TRIM2: variants seen among roughly 807,000 people sequenced by gnomAD.
The protein encoded by TRIM2 is tripartite motif containing 2, also known as tripartite motif-containing protein 2.
Under a neutral mutation model 75.2 loss-of-function variants are expected in TRIM2, and 20 were observed. The observed-to-expected ratio is 0.27, with a 90% CI of 0.19 to 0.39. The LOEUF (loss-of-function observed/expected upper bound fraction) is 0.39, where lower values mean the gene tolerates loss of function less well. Among genes scored for constraint, TRIM2 ranks in the 10% least tolerant of loss-of-function variants. The pLI is 1.00. For missense variants in TRIM2, 660 were observed against 990.8 expected (o/e 0.67, Z 4.48); for synonymous variants, 373 against 388.3 (o/e 0.96, Z 0.46).
At chr4:153,219,198 T>G (rs1275781560) in intron 1 of TRIM2, among the ~76,000 whole-genome samples, 1 of 152,090 alleles carries the variant, frequency 6.6e-6, no homozygotes, top group Non-Finnish European at 1.5e-5. Context: ...TTCAAAGAGG[T>G]GCATTTCAGT....
intron 6 of TRIM2, 51 bp downstream of exon 6, chr4:153,296,087 G>A: frequency 8.7e-6 from 13 of 1,501,954 alleles, no homozygotes; most frequent in Non-Finnish European, 1.1e-5. Flanking sequence ...TGGTTAAGGG[G>A]TAACTGGGCA....
At chr4:153,238,881 GCTCT>G (rs1745712838) in intron 1 of TRIM2, among the ~76,000 whole-genome samples, 1 of 152,134 alleles carries the variant, frequency 6.6e-6, no homozygotes, top group African/African-American at 2.4e-5. Context: ...AAACCTAAGG[GCTCT>G]CTATTATGGA....
upstream of TRIM2, among the ~76,000 whole-genome samples, chr4:153,202,698 C>CA (rs748719135): frequency 0.28 from 21,537 of 77,544 alleles, 2,632 homozygotes; most frequent in African/African-American, 0.41. Context: ...GACTCTGTCT[C>CA]AAAAAAAAAA....
intron 11 of TRIM2, among the ~76,000 whole-genome samples, chr4:153,333,564 T>C (rs566134834): frequency 1.1e-4 from 17 of 152,310 alleles, no homozygotes; most frequent in African/African-American, 3.9e-4. Context: ...CCTATGAATC[T>C]ATAATTATTT....
upstream of TRIM2, among the ~76,000 whole-genome samples, chr4:153,199,899 G>A (rs1734148895): frequency 6.6e-6 from 1 of 151,240 alleles, no homozygotes; most frequent in Admixed American, 6.6e-5. Flanking sequence ...TCAGCCTCTG[G>A]AGTAGCTGGG....
intron 6 of TRIM2, among the ~76,000 whole-genome samples, chr4:153,302,429 G>A (rs189175650): frequency 6.6e-6 from 1 of 152,204 alleles, no homozygotes; most frequent in African/African-American, 2.4e-5. Flanking sequence ...AGTTTGGGAT[G>A]ATAGATGTAT....
In TRIM2 at chr4:153,244,421, T is replaced by TTCTTCTTCTTCTTCC. The variant is rs1560875627; in HGVS notation, c.31-25900_31-25899insCTCTTCTTCTTCTTC. On this transcript the variant is annotated intron_variant, in intron 1 of 11. Transcript: ENST00000338700. ...CTTCTTCTTCTTCTTCTTCTTCTTC[T>TTCTTCTTCTTCTTCC]TCTTCTTCTTCTTCTTTTAATTAGA... Among the ~76,000 whole-genome samples, 13 of 89,164 alleles carry TTCTTCTTCTTCTTCC rather than the reference T, an allele frequency of 1.5e-4. 1 individual carries two copies. The highest frequency in any genetic ancestry group is 2.5e-4 in the Admixed American group (2 of 7,936). 58.5% of individuals were successfully genotyped at this position (89,164 alleles called of 152,430 possible).
Position 153,336,035 on chromosome 4 carries a change from T to A in TRIM2, c.*1069T>A. On this transcript the variant is annotated 3_prime_UTR_variant, in exon 12 of 12. Coordinates refer to ENST00000338700, the MANE Select transcript of TRIM2 (RefSeq NM_015271.5). Reference sequence around the variant, plus strand: ...TGAAAGCATTACAGGTAAGGGCATGTTATGGTTATTTATCATTGTTTAATG... The same window carrying A: ...TGAAAGCATTACAGGTAAGGGCATGATATGGTTATTTATCATTGTTTAATG... 2 of 985,766 alleles carry A rather than the reference T, an allele frequency of 2.0e-6. No individual in the cohort carries two copies. Among genetic ancestry groups the A allele is most frequent in the Non-Finnish European group, 2.4e-6 (2 of 829,910 alleles). The allele number at this position is 985,766 out of a possible 1,614,324, so 61.1% of individuals were successfully genotyped here. A position where few individuals can be genotyped will look rare whatever the true frequency, so the allele number is the denominator to read the frequency against.
chr4:153,217,359 T>C (rs115902037), intron 1 of TRIM2, among the ~76,000 whole-genome samples: 1,635 of 152,182 alleles, frequency 0.011, 8 homozygotes, highest in Middle Eastern at 0.041. Flanking sequence ...TGGGTACCAG[T>C]TGAAATTCGT....
At chr4:153,194,588 C>T (rs1265344968) in intron 1 of TRIM2, among the ~76,000 whole-genome samples, 1 of 151,968 alleles carries the variant, frequency 6.6e-6, no homozygotes, top group East Asian at 1.9e-4. Flanking sequence ...CTGGGGGATG[C>T]AGGAAGGACT....
At chr4:153,262,364 G>A (rs1236584615) in intron 1 of TRIM2, among the ~76,000 whole-genome samples, 1 of 152,094 alleles carries the variant, frequency 6.6e-6, no homozygotes, top group African/African-American at 2.4e-5. Context: ...ATCATAGGAG[G>A]TCGAAGCTGT....
rs559656001 is a variant in TRIM2, at chr4:153,167,965, A to G, written c.-49+14695A>G. The stretch of plus-strand genomic sequence containing the variant: ...ACACATAAGTGTTGGATAACATGAA[A>G]TATAAAAACATGTACTTTATGAGGC... On this transcript the variant is annotated intron_variant, in intron 1 of 11. Coordinates refer to the TRIM2 transcript ENST00000437508. Among the ~76,000 whole-genome samples the G allele has an allele frequency of 6.6e-5, 10 of 152,366 alleles. No individual in the cohort carries two copies. In the South Asian group the frequency reaches 2.1e-3, roughly 32 times the overall value.
chr4:153,255,044 T>C (rs1751737313), intron 1 of TRIM2, among the ~76,000 whole-genome samples: 6 of 152,198 alleles, frequency 3.9e-5, no homozygotes, highest in Non-Finnish European at 8.8e-5. Context: ...TCCCTGGCCC[T>C]GTGTATCCCT....
chr4:153,249,070 TTA>T (rs1325355206), intron 1 of TRIM2, among the ~76,000 whole-genome samples: 17 of 152,384 alleles, frequency 1.1e-4, no homozygotes, highest in African/African-American at 3.1e-4. Flanking sequence ...CTCCCAGCTT[TTA>T]ATGCTGTCAC....
At chr4:153,301,356 A>AT (rs1408687952) in intron 6 of TRIM2, among the ~76,000 whole-genome samples, 5 of 151,954 alleles carry the variant, frequency 3.3e-5, no homozygotes, top group African/African-American at 4.8e-5. Context: ...AAATCAGGCT[A>AT]TTTTTTTCAT....
chr4:153,228,250 C>T (rs1041309216), intron 1 of TRIM2, among the ~76,000 whole-genome samples: 1 of 152,148 alleles, frequency 6.6e-6, no homozygotes, highest in African/African-American at 2.4e-5. Context: ...CTTGTCACTC[C>T]ATTTCCTTCA....
upstream of TRIM2, chr4:153,204,368 C>T: frequency 1.4e-6 from 1 of 723,962 alleles, no homozygotes; most frequent in Non-Finnish European, 2.4e-6. Flanking sequence ...TCATTGTCCC[C>T]TGATACTGTA....
chr4:153,239,374 TG>T (rs1745900435), intron 1 of TRIM2, among the ~76,000 whole-genome samples: 1 of 151,494 alleles, frequency 6.6e-6, no homozygotes, highest in Non-Finnish European at 1.5e-5. Context: ...AAAAGAACTC[TG>T]GCTTTGATAG....
At chr4:153,186,737 C>T (rs1368542731) in intron 1 of TRIM2, among the ~76,000 whole-genome samples, 1 of 152,152 alleles carries the variant, frequency 6.6e-6, no homozygotes, top group African/African-American at 2.4e-5. Context: ...GAATTTGAGC[C>T]ACACCCTCAC....
Sources: allele counts gnomAD v4.1 joint callset (sites outside exome capture counted in the v4.1 genomes callset), GRCh38; gene constraint gnomAD v4.1.1; transcripts MANE v1.5; gene names NCBI Gene and HGNC (gene_info 2026-07-23, HGNC 2026-07-21).